The following NPC1 variants were observed in gnomAD, a reference collection of about 807,000 sequenced individuals.
NPC1 encodes Niemann-Pick C1 protein.
NPC1 carries 85 observed loss-of-function variants against 140.4 expected under a neutral mutation model. The ratio of observed to expected loss-of-function variants is 0.61; its 90% confidence interval spans 0.51 to 0.72. The LOEUF is 0.72. NPC1 is among the 30% of genes least tolerant of loss of function. NPC1 has a pLI of 0.00. For missense variants in NPC1, 1,504 were observed against 1,623.8 expected, an observed-to-expected ratio of 0.93 and a Z score of 1.27; for synonymous variants, 656 against 624.8, an observed-to-expected ratio of 1.05 and a Z score of -0.74.
chr18:23,535,736 TCTCA>T (rs780645716), intron 21 of NPC1, 36 bp from the exon 22 acceptor site: 4 of 1,382,208 alleles, frequency 2.9e-6, no homozygotes, highest in East Asian at 2.3e-5. Flanking sequence ...TAAAGCTCGC[TCTCA>T]CTCCCGAACA....
intron 10 of NPC1, among the ~76,000 whole-genome samples, chr18:23,549,499 C>T (rs2058836144): frequency 6.6e-6 from 1 of 151,948 alleles, no homozygotes; most frequent in Admixed American, 6.6e-5. Context: ...ATTAGCTGGG[C>T]CTGGTGATAC....
At chr18:23,554,219 T>C (rs1244004310) in intron 9 of NPC1, among the ~76,000 whole-genome samples, 1 of 152,100 alleles carries the variant, frequency 6.6e-6, no homozygotes, top group East Asian at 1.9e-4. Context: ...CACCCCCCAC[T>C]CTGTCCAGCC....
chr18:23,550,836 T>C (rs557146001), intron 10 of NPC1, among the ~76,000 whole-genome samples: 4 of 152,282 alleles, frequency 2.6e-5, no homozygotes, highest in Non-Finnish European at 5.9e-5. Flanking sequence ...TTTGGTGAAA[T>C]GAACAAGTCA....
At chr18:23,516,300 A>G (rs2058003141) in intron 3 of NPC1, 3 of 1,612,264 alleles carry the variant, frequency 1.9e-6, no homozygotes, top group Admixed American at 1.7e-5. Context: ...CTTTTCCTAA[A>G]ACATTTTCCC....
At chr18:23,568,766 T>C in intron 4 of NPC1, 57 bp downstream of exon 4, 8 of 1,393,714 alleles carry the variant, frequency 5.7e-6, no homozygotes, top group Non-Finnish European at 8.2e-6. Context: ...AAAGGAACAA[T>C]TTGCTCTGCT....
At chr18:23,508,917 G>A in intron 3 of NPC1, 1 of 183,174 alleles carries the variant, frequency 5.5e-6, no homozygotes, top group Non-Finnish European at 1.1e-5. Flanking sequence ...GGTAGAAGCT[G>A]CTGTCTGTGA....
chr18:23,534,488 G>A lies in NPC1; in HGVS notation c.3549C>T (p.Arg1183=), dbSNP rs766831960. ...RAFTVSMKGS[R]VERAEEALAH... is the part of the protein sequence containing the mutation. ...CAAGTGCCTCTTCCGCGCGCTCCAC[G>A]CGGCTGCCTTTCATGCTCACCGTGA... The change falls in exon 23 of 25, where the codon CGC becomes CGT. Residue 1183 remains arginine, a synonymous_variant. Coordinates refer to ENST00000269228, the MANE Select transcript of NPC1 (RefSeq NM_000271.5). 9 of 1,613,960 alleles carry A rather than the reference G, an allele frequency of 5.6e-6. No individual in the cohort carries two copies. Among genetic ancestry groups the A allele is most frequent in the Middle Eastern group, 1.6e-4 (1 of 6,084 alleles).
At chr18:23,575,431 G>C (rs895234101) in intron 1 of NPC1, among the ~76,000 whole-genome samples, 3 of 152,090 alleles carry the variant, frequency 2.0e-5, no homozygotes, top group African/African-American at 7.2e-5. Context: ...TGTTGAGCTG[G>C]ATTGCACCTG....
At chr18:23,549,658 CT>C (rs375168225) in intron 10 of NPC1, among the ~76,000 whole-genome samples, 13 of 147,732 alleles carry the variant, frequency 8.8e-5, no homozygotes, top group East Asian at 2.0e-4. Context: ...AAATAAAAAC[CT>C]TTTTTTTTTG....
chr18:23,564,281 G>A (rs1234706849), intron 4 of NPC1, among the ~76,000 whole-genome samples: 1 of 152,148 alleles, frequency 6.6e-6, no homozygotes, highest in Non-Finnish European at 1.5e-5. Flanking sequence ...ACAGCGCCCG[G>A]CCAAGAGTTC....
At position 23,544,321 on chromosome 18, in the gene NPC1, C is replaced by G. The variant is rs369194182; in HGVS notation, c.2130+23G>C. On this transcript the variant is annotated intron_variant, in intron 13 of 24. Coordinates refer to ENST00000269228, the MANE Select transcript of NPC1 (RefSeq NM_000271.5). ...CCTGAAACTTGAACAGATGCTGAGC[C>G]CTGTGAGAATATGGAAGTATACCTG... 9.3e-6 allele frequency: 15 copies of G among 1,610,930 alleles called. No individual in the cohort carries two copies. In the African/African-American group the frequency reaches 1.9e-4, roughly 20 times the overall value.
rs1190627652 is a variant in NPC1 at position 23,532,841 on chromosome 18, C to CA, written c.3754+513dup. On this transcript the variant is annotated intron_variant, in intron 24 of 24. Transcript: ENST00000269228. ...TTTAGTGACAAAGCTATAAATGAAGCAAATCAGTATTGTTCTTTCAACCGT... is the reference window on the plus strand; with the variant it reads ...TTTAGTGACAAAGCTATAAATGAAGCAAAATCAGTATTGTTCTTTCAACCGT... 3.1e-5 allele frequency: 30 copies of CA among 980,212 alleles called. No homozygotes were observed. In the South Asian group the frequency reaches 1.1e-3, roughly 37 times the overall value. 60.7% of individuals were successfully genotyped at this position (980,212 alleles called of 1,614,324 possible). A position where few individuals can be genotyped will look rare whatever the true frequency, so the allele number is the denominator to read the frequency against.
chr18:23,559,075 G>A (rs990548360), intron 6 of NPC1, among the ~76,000 whole-genome samples: 2 of 152,208 alleles, frequency 1.3e-5, no homozygotes, highest in Non-Finnish European at 2.9e-5. Context: ...TGGCTGCAGA[G>A]TATTCCATGG....
Position 23,531,805 on chromosome 18 carries a change from C to T in NPC1, c.*397G>A, listed in dbSNP as rs2058519716. On this transcript the variant is annotated 3_prime_UTR_variant, in exon 25 of 25. Coordinates refer to ENST00000269228, the MANE Select transcript of NPC1 (RefSeq NM_000271.5). ...AAATGTTATAAAGTGTATCTACAACCTCAACTGTCACTAAAAATATGGTAT... is the reference window on the plus strand; with the variant it reads ...AAATGTTATAAAGTGTATCTACAACTTCAACTGTCACTAAAAATATGGTAT... 1.3e-5 allele frequency: 20 copies of T among 1,518,654 alleles called. No homozygotes were observed. Among genetic ancestry groups the T allele is most frequent in the Admixed American group, 4.5e-5 (2 of 44,702 alleles). 94.1% of individuals were successfully genotyped at this position (1,518,654 alleles called of 1,614,324 possible). A position where few individuals can be genotyped will look rare whatever the true frequency, so the allele number is the denominator to read the frequency against.
rs367909388 is a variant in NPC1 at position 23,532,002 on chromosome 18, T to C, written c.*200A>G. The C allele has an allele frequency of 1.3e-6, 2 of 1,481,690 alleles. No homozygotes were observed. Among genetic ancestry groups the C allele is most frequent in the African/African-American group, 1.4e-5 (1 of 71,138 alleles). The allele number at this position is 1,481,690 out of a possible 1,614,324, so 91.8% of individuals were successfully genotyped here. A position where few individuals can be genotyped will look rare whatever the true frequency, so the allele number is the denominator to read the frequency against. ...CTGGGAGAAGTTTAGTGTCCTGTGG[T>C]TGCCTCCAGATCTAGTAATACTGCT... On this transcript the variant is annotated 3_prime_UTR_variant, in exon 25 of 25. Coordinates refer to ENST00000269228, the MANE Select transcript of NPC1 (RefSeq NM_000271.5).
intron 2 of NPC1, among the ~76,000 whole-genome samples, chr18:23,572,773 CAGTG>C (rs1472813795): frequency 6.6e-6 from 1 of 152,166 alleles, no homozygotes; most frequent in Non-Finnish European, 1.5e-5. Context: ...GTCGAGGACA[CAGTG>C]AGCCGTGATT....
At chr18:23,532,407 G>T in intron 24 of NPC1, 123 bp from the exon 25 acceptor site, 1 of 1,033,356 alleles carries the variant, frequency 9.7e-7, no homozygotes, top group Non-Finnish European at 1.5e-6. Context: ...CTTGAGACCA[G>T]CCTGGACAAC....
At position 23,541,117 on chromosome 18, in the gene NPC1, T is replaced by C. The variant is rs763535443; in HGVS notation, c.2465A>G (p.Lys822Arg). The C allele has an allele frequency of 3.7e-6, 6 of 1,614,112 alleles. No individual in the cohort carries two copies. Among genetic ancestry groups the C allele is most frequent in the East Asian group, 4.5e-5 (2 of 44,902 alleles). ...TAGCAGAAGTGGAGAATAGGAGTTT[T>C]TGAAGAAGCGAAACAAACAGCTCTC... ...ASESCLFRFF[K>R]NSYSPLLLKD... Residue 822 changes from lysine to arginine, a missense_variant, in exon 16 of 25, where the codon AAA (lysine) becomes AGA (arginine). Physicochemically the swap from Lys to Arg is conservative, Grantham distance 26. Transcript: ENST00000269228.
chr18:23,561,115 A>T (rs1285346393), intron 5 of NPC1, among the ~76,000 whole-genome samples: 1 of 152,130 alleles, frequency 6.6e-6, no homozygotes, highest in Non-Finnish European at 1.5e-5. Flanking sequence ...GGACCCACGC[A>T]ATCCTCCTGC....
Sources: gnomAD v4.1 joint callset for allele counts (sites outside exome capture counted in the v4.1 genomes callset) on GRCh38, gnomAD v4.1.1 for gene constraint, MANE v1.5 for transcripts, NCBI Gene and HGNC (gene_info 2026-07-23, HGNC 2026-07-21) for gene names.